ASTN2: variants seen among roughly 807,000 people sequenced by gnomAD.
ASTN2 encodes the protein astrotactin-2.
In ASTN2, 54 loss-of-function variants were observed where a neutral mutation model predicts 139.8. The observed-to-expected ratio is 0.39, with a 90% CI of 0.31 to 0.48. ASTN2 has a LOEUF of 0.48. Ranked by LOEUF, ASTN2 falls within the 20% of genes least tolerant of loss-of-function variation. The pLI is 0.95. For missense variants in ASTN2, 1,565 were observed against 1,725.1 expected (o/e 0.91, Z 1.64); for synonymous variants, 756 against 719.5 (o/e 1.05, Z -0.81).
At position 117,198,909 on chromosome 9, in the gene ASTN2, T is replaced by TAA. The variant is rs555410674; in HGVS notation, c.1015+15448_1015+15449insTT. 2.0e-3 allele frequency among the ~76,000 whole-genome samples: 299 copies of TAA among 152,354 alleles called. 2 individuals are homozygous for TAA. The highest frequency in any genetic ancestry group is 7.0e-3 in the African/African-American group (290 of 41,582). ...ATCAGTGATGTTGGGCTGTTTTTCA[T>TAA]ATGTTTGTTGGCTGCATAAATGTCT... On this transcript the variant is annotated intron_variant, in intron 3 of 22. Transcript: ENST00000313400.
chr9:117,018,012 T>C (rs1431452509), intron 6 of ASTN2, among the ~76,000 whole-genome samples: 1 of 151,830 alleles, frequency 6.6e-6, no homozygotes, highest in Non-Finnish European at 1.5e-5. Context: ...ACTCATTTTT[T>C]CTAGGCTGAC....
At chr9:117,403,360 G>C (rs901355218) in intron 1 of ASTN2, among the ~76,000 whole-genome samples, 5 of 152,180 alleles carry the variant, frequency 3.3e-5, no homozygotes, top group Non-Finnish European at 5.9e-5. Flanking sequence ...GCCTCCCATG[G>C]GGACCCTCTA....
intron 16 of ASTN2, among the ~76,000 whole-genome samples, chr9:116,657,179 C>T (rs1661302): frequency 0.93 from 141,523 of 152,244 alleles, 65,814 homozygotes; most frequent in East Asian, 0.97. Context: ...TGAAATGCCA[C>T]TAGCAAGGCC....
chr9:116,790,702 G>A (rs1428218519), intron 13 of ASTN2, among the ~76,000 whole-genome samples: 1 of 146,672 alleles, frequency 6.8e-6, no homozygotes, highest in Non-Finnish European at 1.5e-5. Context: ...TTGAGATGGA[G>A]TCTCACTCTG....
intron 10 of ASTN2, among the ~76,000 whole-genome samples, chr9:116,952,099 A>G (rs1378235577): frequency 1.3e-5 from 2 of 152,236 alleles, no homozygotes; most frequent in Non-Finnish European, 2.9e-5. Flanking sequence ...CTTGATTATA[A>G]CTGCATTACT....
intron 2 of ASTN2, among the ~76,000 whole-genome samples, chr9:117,260,375 C>T (rs1283069523): frequency 6.6e-6 from 1 of 152,150 alleles, no homozygotes; most frequent in Admixed American, 6.5e-5. Context: ...GTACATCTCA[C>T]CGTTCCACTC....
At chr9:117,108,932 C>T (rs570031696) in intron 4 of ASTN2, among the ~76,000 whole-genome samples, 1 of 152,270 alleles carries the variant, frequency 6.6e-6, no homozygotes, top group East Asian at 1.9e-4. Context: ...CCTCATTGTA[C>T]TTGAGAATCA....
intron 19 of ASTN2, among the ~76,000 whole-genome samples, chr9:116,580,317 T>C (rs565739840): frequency 6.6e-6 from 1 of 152,244 alleles, no homozygotes; most frequent in African/African-American, 2.4e-5. Flanking sequence ...GGAGTAGGTC[T>C]CTAATAGAGG....
chr9:116,605,029 T>G (rs10983262), intron 19 of ASTN2, among the ~76,000 whole-genome samples: 1 of 145,894 alleles, frequency 6.9e-6, no homozygotes, highest in African/African-American at 2.6e-5. Flanking sequence ...CAGAGTGACA[T>G]GGAATAAAAA....
At chr9:116,964,305 G>T (rs1466815596) in intron 10 of ASTN2, among the ~76,000 whole-genome samples, 1 of 151,364 alleles carries the variant, frequency 6.6e-6, no homozygotes, top group Non-Finnish European at 1.5e-5. Context: ...TGCCTATTGG[G>T]CAGAGTAAGA....
At chr9:116,465,689 C>T (rs1486024684) in intron 20 of ASTN2, among the ~76,000 whole-genome samples, 2 of 152,108 alleles carry the variant, frequency 1.3e-5, no homozygotes, top group Non-Finnish European at 2.9e-5. Context: ...ACATATGAAA[C>T]TAAGGATCAT....
chr9:117,140,517 A>G (rs1279628331), intron 4 of ASTN2, among the ~76,000 whole-genome samples: 1 of 152,058 alleles, frequency 6.6e-6, no homozygotes, highest in Non-Finnish European at 1.5e-5. Flanking sequence ...ACGAAGTCAC[A>G]TAGATGGTAG....
At chr9:116,638,691 T>C (rs934809130) in intron 17 of ASTN2, among the ~76,000 whole-genome samples, 1 of 152,184 alleles carries the variant, frequency 6.6e-6, no homozygotes, top group African/African-American at 2.4e-5. Context: ...CCCAGTTTTA[T>C]CCATAAAATA....
intron 13 of ASTN2, among the ~76,000 whole-genome samples, chr9:116,771,538 G>A (rs761663391): frequency 6.6e-6 from 1 of 152,166 alleles, no homozygotes; most frequent in Non-Finnish European, 1.5e-5. Context: ...TCTACTCCCA[G>A]CACCTCACTC....
At chr9:117,045,975 T>TAC (rs1564399754) in intron 5 of ASTN2, among the ~76,000 whole-genome samples, 5 of 102,020 alleles carry the variant, frequency 4.9e-5, no homozygotes, top group Non-Finnish European at 6.7e-5. Flanking sequence ...TATGTATGTA[T>TAC]GTATGTACGT....
At chr9:116,549,428 G>A (rs1852245124) in intron 19 of ASTN2, among the ~76,000 whole-genome samples, 2 of 152,288 alleles carry the variant, frequency 1.3e-5, no homozygotes, top group East Asian at 1.9e-4. Context: ...TGTACAGTTC[G>A]TATTTGGCAA....
At chr9:116,775,612 G>GGAA (rs1243262490) in intron 13 of ASTN2, among the ~76,000 whole-genome samples, 1 of 108,746 alleles carries the variant, frequency 9.2e-6, no homozygotes, top group African/African-American at 3.5e-5. Context: ...AGGGAAAGAA[G>GGAA]GAAGGAAGGA....
At chr9:116,798,834 T>G (rs1450325413) in intron 13 of ASTN2, among the ~76,000 whole-genome samples, 1 of 152,160 alleles carries the variant, frequency 6.6e-6, no homozygotes, top group Non-Finnish European at 1.5e-5. Context: ...GCCCCTGCCA[T>G]TCAGGGAGAG....
chr9:117,349,449 C>A (rs1829323045), intron 1 of ASTN2, among the ~76,000 whole-genome samples: 1 of 152,158 alleles, frequency 6.6e-6, no homozygotes, highest in East Asian at 1.9e-4. Context: ...GGCCCCCTGC[C>A]TTCAGGAATC....
Sources: allele counts gnomAD v4.1 joint callset (sites outside exome capture counted in the v4.1 genomes callset), GRCh38; gene constraint gnomAD v4.1.1; transcripts MANE v1.5; gene names NCBI Gene and HGNC (gene_info 2026-07-23, HGNC 2026-07-21).